The following EWSR1 variants were observed in gnomAD, a reference collection of about 807,000 sequenced individuals.
EWSR1 encodes EWS RNA binding protein 1, also known as RNA-binding protein EWS.
EWSR1 carries 14 observed loss-of-function variants against 92.1 expected under a neutral mutation model. The ratio of observed to expected loss-of-function variants is 0.15; its 90% CI spans 0.10 to 0.24. The LOEUF (loss-of-function observed/expected upper bound fraction) is 0.24, where lower values mean the gene tolerates loss of function less well. EWSR1 is among the 10% of genes least tolerant of loss of function. The probability of loss-of-function intolerance (pLI) is 1.00; values close to 1 mark genes in which losing one functional copy is unlikely to be tolerated. For missense variants in EWSR1, 637 were observed against 870.9 expected, an observed-to-expected ratio of 0.73 and a Z score of 3.38; for synonymous variants, 303 against 292.9, an observed-to-expected ratio of 1.03 and a Z score of -0.35.
chr22:29,268,813 CAAAT>C (rs2058375355), intron 1 of EWSR1, among the ~76,000 whole-genome samples: 1 of 152,240 alleles, frequency 6.6e-6, no homozygotes, highest in Non-Finnish European at 1.5e-5. Context: ...GGGGAAAAAG[CAAAT>C]AAAGATACCG....
chr22:29,297,736 A>G (rs1190334675), intron 12 of EWSR1, 91 bp from the exon 13 acceptor site: 1 of 1,512,982 alleles, frequency 6.6e-7, no homozygotes, highest in Non-Finnish European at 9.0e-7. Flanking sequence ...AGGCAGACCT[A>G]ATGCATCTGG....
intron 6 of EWSR1, among the ~76,000 whole-genome samples, chr22:29,284,882 C>T (rs1345317248): frequency 6.6e-6 from 1 of 151,096 alleles, no homozygotes; most frequent in Non-Finnish European, 1.5e-5. Context: ...TGCAATGGTG[C>T]GATCTTGGCT....
Position 29,299,682 on chromosome 22 carries a change from T to C in EWSR1, c.1762T>C (p.Phe588Leu). ...GGATCGTGGTGGTCCCGGTGGAATG[T>C]TCAGAGGTGGCCGTGGTGGAGACAG... ...LMDRGGPGGMFRGGRGGDRGG... is the reference protein window; with the variant it reads ...LMDRGGPGGMLRGGRGGDRGG... Residue 588 changes from phenylalanine (F) to leucine (L), a missense_variant, in exon 16 of 17, where the codon TTC (phenylalanine) becomes CTC (leucine). Transcript: ENST00000397938. 6.2e-7 allele frequency: 1 copy of C among 1,612,246 alleles called. No homozygotes were observed.
At chr22:29,300,010 ACCCCTTCC>A in intron 16 of EWSR1, 104 bp from the exon 17 acceptor site, 4 of 657,990 alleles carry the variant, frequency 6.1e-6, no homozygotes. Flanking sequence ...GGGCTTCCTC[ACCCCTTCC>A]CATTCTAACC....
intron 6 of EWSR1, 77 bp downstream of exon 6, chr22:29,282,634 C>G (rs2059695718): frequency 8.0e-7 from 1 of 1,252,248 alleles, no homozygotes; most frequent in African/African-American, 1.5e-5. Context: ...CTTGCTTTGA[C>G]TTCTTCAGCT....
At position 29,286,879 on chromosome 22, in the gene EWSR1, C is replaced by G. The variant is rs778944304; in HGVS notation, c.582-44C>G. On this transcript the variant is annotated intron_variant, in intron 6 of 16. Transcript: ENST00000397938. ...TCAGGGGATTTGAAATAACAAGCCT[C>G]TTTCTAAAAAAGCTTTTTTTTTTTT... 4.6e-6 allele frequency: 7 copies of G among 1,521,028 alleles called. No individual in the cohort carries two copies. In the East Asian group the frequency reaches 1.4e-4, roughly 29 times the overall value. 94.2% of individuals were successfully genotyped at this position (1,521,028 alleles called of 1,614,324 possible).
At chr22:29,293,673 T>C (rs1225779969) in intron 11 of EWSR1, among the ~76,000 whole-genome samples, 1 of 152,056 alleles carries the variant, frequency 6.6e-6, no homozygotes, top group Non-Finnish European at 1.5e-5. Context: ...CAAGCGATTG[T>C]CCTGCCTCAG....
chr22:29,291,236 C>A (rs1375873352), intron 8 of EWSR1: 2 of 326,640 alleles, frequency 6.1e-6, no homozygotes, highest in Admixed American at 4.9e-5. Context: ...CCCCTCTATA[C>A]CAAGCTCTTC....
chr22:29,300,413 A>G lies in EWSR1; in HGVS notation c.*252A>G, dbSNP rs2061259064. 1 of 416,594 alleles carries G rather than the reference A, an allele frequency of 2.4e-6. No individual in the cohort carries two copies. Among genetic ancestry groups the G allele is most frequent in the Non-Finnish European group, 4.3e-6 (1 of 231,984 alleles). 25.8% of individuals were successfully genotyped at this position (416,594 alleles called of 1,614,324 possible). ...TTAACAATGGGAACCCCTTGTGAGC[A>G]TGCTCAGTATCATTGTGGAGAACCA... On this transcript the variant is annotated 3_prime_UTR_variant, in exon 17 of 17. Transcript: ENST00000397938.
At chr22:29,290,650 TG>T in intron 8 of EWSR1, 1 of 1,407,288 alleles carries the variant, frequency 7.1e-7, no homozygotes, top group Non-Finnish European at 9.3e-7. Flanking sequence ...ACTCTAGAAT[TG>T]TGTAACATTA....
rs1157487543 is a variant in EWSR1 at position 29,274,557 on chromosome 22, C to T, written c.226+693C>T. ...CCCAAAGGTATTTCAGGTGATTTCT[C>T]CCCAGCTGATTTTCCCCTGTTCCCT... On this transcript the variant is annotated intron_variant, in intron 4 of 16. Transcript: ENST00000397938. The T allele has an allele frequency of 1.2e-5, 5 of 416,208 alleles. No individual in the cohort carries two copies. The South Asian group carries it at 1.7e-4, about 14-fold the overall frequency. The allele number at this position is 416,208 out of a possible 1,614,324, so 25.8% of individuals were successfully genotyped here.
Position 29,283,705 on chromosome 22 carries a change from T to C in EWSR1, c.581+1148T>C, listed in dbSNP as rs574807293. The stretch of plus-strand genomic sequence containing the variant: ...CACACCTGGCAAAAATTTTTTTTTT[T>C]GTATTTTTAGTAGAGACAGGGTTTC... On this transcript the variant is annotated intron_variant, in intron 6 of 16. Transcript: ENST00000397938. Among the ~76,000 whole-genome samples the C allele has an allele frequency of 2.5e-3, 357 of 144,606 alleles. 29 individuals are homozygous for C. The highest frequency in any genetic ancestry group is 9.0e-3 in the African/African-American group (342 of 38,162). 94.9% of individuals were successfully genotyped at this position (144,606 alleles called of 152,430 possible).
intron 8 of EWSR1, chr22:29,290,954 C>T (rs889000821): frequency 1.3e-5 from 3 of 237,860 alleles, no homozygotes; most frequent in African/African-American, 2.2e-5. Context: ...ACCCCCAGTC[C>T]GTTGAGCCTT....
intron 4 of EWSR1, chr22:29,274,144 A>C (rs1168931418): frequency 1.9e-6 from 2 of 1,076,864 alleles, no homozygotes; most frequent in Non-Finnish European, 2.8e-6. Context: ...GATTTTGCTA[A>C]TGCTAATACT....
At chr22:29,280,707 C>T (rs1416471918) in intron 5 of EWSR1, among the ~76,000 whole-genome samples, 4 of 144,544 alleles carry the variant, frequency 2.8e-5, no homozygotes, top group Non-Finnish European at 4.5e-5. Context: ...GAGTTTTGCT[C>T]TTGTTGTCCA....
In EWSR1 at chr22:29,298,826, G is replaced by T. The variant is rs1246325997; in HGVS notation, c.1511G>T (p.Gly504Val). 6.3e-7 allele frequency: 1 copy of T among 1,597,914 alleles called. No individual in the cohort carries two copies. Among genetic ancestry groups the T allele is most frequent in the Non-Finnish European group, 8.5e-7 (1 of 1,175,396 alleles). Reference sequence around the variant, plus strand: ...GGCTTCCCTCCAAGAGGACCCCGGGGTTCCCGAGGGAACCCCTCTGGAGGA... The same window carrying T: ...GGCTTCCCTCCAAGAGGACCCCGGGTTTCCCGAGGGAACCCCTCTGGAGGA... ...RGGFPPRGPR[G>V]SRGNPSGGGN... Residue 504 changes from glycine (G) to valine (V), a missense_variant, in exon 14 of 17, where the codon GGT (glycine) becomes GTT (valine). By Grantham distance (109) the Gly-to-Val change is moderately radical. Around this residue, in one of 5 missense-constraint regions of EWSR1, gnomAD observed 363 missense variants for 447.8 expected, o/e 0.81. Coordinates refer to ENST00000397938, the MANE Select transcript of EWSR1 (RefSeq NM_005243.4).
chr22:29,272,244 G>T lies in EWSR1; in HGVS notation c.42G>T (p.Ala14=). Residue 14 remains alanine (A), a synonymous_variant, in exon 2 of 17, where the codon GCG becomes GCT. Coordinates refer to ENST00000397938, the MANE Select transcript of EWSR1 (RefSeq NM_005243.4). The part of the protein sequence containing the change: ...TDYSTYSQAA[A]QQGYSAYTAQ... ...ACAGTACCTATAGCCAAGCTGCAGC[G>T]CAGCAGGGGTAAGTCAGTCTTTTAT... 1 of 1,614,028 alleles carries T rather than the reference G, an allele frequency of 6.2e-7. No individual in the cohort carries two copies. Among genetic ancestry groups the T allele is most frequent in the South Asian group, 1.1e-5 (1 of 91,074 alleles).
At position 29,286,823 on chromosome 22, in the gene EWSR1, CTG is replaced by C. The variant is rs1055173947; in HGVS notation, c.582-96_582-95del. ...AAAGTAACTACTGTTTTATGGATGT[CTG>C]TGTCACATGGTGTGAATGTCTCTTT... is the stretch of plus-strand genomic sequence containing the variant. On this transcript the variant is annotated intron_variant, in intron 6 of 16. Transcript: ENST00000397938. 1.0e-5 allele frequency: 8 copies of C among 787,426 alleles called. No individual in the cohort carries two copies. In the Admixed American group the frequency reaches 2.1e-4, roughly 20 times the overall value. The allele number at this position is 787,426 out of a possible 1,614,324, so 48.8% of individuals were successfully genotyped here.
In EWSR1 at chr22:29,298,831, C is replaced by A. The variant is rs2061099481; in HGVS notation, c.1516C>A (p.Arg506=). ...CCCTCCAAGAGGACCCCGGGGTTCC[C>A]GAGGGAACCCCTCTGGAGGAGGAAA... ...GFPPRGPRGS[R]GNPSGGGNVQ... The change falls in exon 14 of 17, where the codon CGA becomes AGA. Residue 506 remains arginine, a synonymous_variant. Coordinates refer to ENST00000397938, the MANE Select transcript of EWSR1 (RefSeq NM_005243.4). 6.3e-7 allele frequency: 1 copy of A among 1,595,886 alleles called. No individual in the cohort carries two copies. Among genetic ancestry groups the A allele is most frequent in the Middle Eastern group, 1.7e-4 (1 of 5,948 alleles).
Sources: allele counts gnomAD v4.1 joint callset (sites outside exome capture counted in the v4.1 genomes callset), GRCh38; gene constraint gnomAD v4.1.1; regional missense constraint gnomAD v4.1.1; transcripts MANE v1.5; gene names NCBI Gene and HGNC (gene_info 2026-07-23, HGNC 2026-07-21).